Variants in PTPRN2 observed in about 807,000 individuals in gnomAD.
PTPRN2 encodes the protein receptor-type tyrosine-protein phosphatase N2.
In PTPRN2, 74 loss-of-function variants were observed where a neutral mutation model predicts 118.8. That is an observed-to-expected ratio of 0.62 (90% CI 0.52 to 0.76). The LOEUF (loss-of-function observed/expected upper bound fraction) is 0.76. PTPRN2 is among the 30% of genes least tolerant of loss of function. The pLI is 0.00. For synonymous variants in PTPRN2, 641 were observed against 608.0 expected, an observed-to-expected ratio of 1.05 and a Z score of -0.80; for missense variants, 1,481 against 1,394.4, an observed-to-expected ratio of 1.06 and a Z score of -0.99.
chr7:158,159,795 C>T (rs6459847), intron 6 of PTPRN2, among the ~76,000 whole-genome samples: 37,608 of 152,070 alleles, frequency 0.25, 6,221 homozygotes, highest in African/African-American at 0.48. Flanking sequence ...TGAAAAAAAA[C>T]TACAGCACTG....
chr7:157,729,393 A>T lies in PTPRN2; in HGVS notation c.1789-46456T>A, dbSNP rs1354917886. Among the ~76,000 whole-genome samples, 1 of 151,934 alleles carries T rather than the reference A, an allele frequency of 6.6e-6. No individual in the cohort carries two copies. The highest frequency in any genetic ancestry group is 1.5e-5 in the Non-Finnish European group (1 of 68,004). On this transcript the variant is annotated intron_variant, in intron 12 of 22. Coordinates refer to ENST00000389418, the MANE Select transcript of PTPRN2 (RefSeq NM_002847.5). The surrounding 1 kb of genome is among the most constrained non-coding windows in gnomAD (Gnocchi z 4.3). Reference sequence around the variant, plus strand: ...GATGCCTTCAGGTCCCGGACCCCCCACTCTGCTCCCGTGGACAGCTCCATC... The same window carrying T: ...GATGCCTTCAGGTCCCGGACCCCCCTCTCTGCTCCCGTGGACAGCTCCATC...
Position 158,407,941 on chromosome 7 carries a change from A to G in PTPRN2, c.163+81794T>C, listed in dbSNP as rs556227232. ...CTCAAGTCTACAGAGCTTGTGTGCA[A>G]ATTCCCTTAAAGTCCCTCCTCATCT... On this transcript the variant is annotated intron_variant, in intron 2 of 22. Transcript: ENST00000389418. Among the ~76,000 whole-genome samples, 436 of 152,330 alleles carry G rather than the reference A, an allele frequency of 2.9e-3. 6 individuals carry two copies. The highest frequency in any genetic ancestry group is 1.5e-3 in the East Asian group (8 of 5,186).
chr7:157,746,831 A>G (rs1812806443), intron 12 of PTPRN2, among the ~76,000 whole-genome samples: 2 of 152,234 alleles, frequency 1.3e-5, no homozygotes, highest in African/African-American at 4.8e-5. Flanking sequence ...GCATGTGTTG[A>G]GGCCTGCATC....
At chr7:158,323,219 G>T (rs1419704119) in intron 2 of PTPRN2, among the ~76,000 whole-genome samples, 1 of 152,196 alleles carries the variant, frequency 6.6e-6, no homozygotes, top group Non-Finnish European at 1.5e-5. Flanking sequence ...CCGATATCAG[G>T]GACTCAACGA....
chr7:158,562,019 G>A (rs920678777), intron 1 of PTPRN2, among the ~76,000 whole-genome samples: 8 of 152,188 alleles, frequency 5.3e-5, no homozygotes, highest in African/African-American at 1.4e-4. Flanking sequence ...TCACAAAGGG[G>A]CCAATGAACA....
chr7:158,489,691 G>A, intron 2 of PTPRN2, 44 bp downstream of exon 2: 1 of 1,541,790 alleles, frequency 6.5e-7, no homozygotes, highest in African/African-American at 1.4e-5. Context: ...CGGCGGGCAG[G>A]AGAGGGGCAG....
chr7:158,070,172 C>G (rs112334710), intron 11 of PTPRN2, among the ~76,000 whole-genome samples: 2,276 of 152,334 alleles, frequency 0.015, 47 homozygotes, highest in African/African-American at 0.05. Context: ...CAGCAGACAT[C>G]CAAAAGCAGG....
chr7:157,938,718 A>C (rs1799870238), intron 11 of PTPRN2, among the ~76,000 whole-genome samples: 1 of 152,266 alleles, frequency 6.6e-6, no homozygotes, highest in African/African-American at 2.4e-5. Context: ...AATTCTCTTT[A>C]ATATCAAAGA....
intron 3 of PTPRN2, among the ~76,000 whole-genome samples, chr7:158,277,993 C>T (rs771746638): frequency 6.6e-6 from 1 of 152,188 alleles, no homozygotes. Context: ...TCCCTGACCT[C>T]CAGCACATAA....
At position 157,987,877 on chromosome 7, in the gene PTPRN2, T is replaced by G. The variant is rs1803929662; in HGVS notation, c.1724-89140A>C. Among the ~76,000 whole-genome samples, 1 of 151,956 alleles carries G rather than the reference T, an allele frequency of 6.6e-6. No individual in the cohort carries two copies. ...CACCTCCATCACTGATGCCCCCAGC[T>G]CTCCCCACACCTGCCATTCCCCACG... On this transcript the variant is annotated intron_variant, in intron 11 of 22. Transcript: ENST00000389418. The surrounding 1 kb of genome is among the most constrained non-coding windows in gnomAD (Gnocchi z 4.3).
At chr7:158,357,145 C>T (rs1460217937) in intron 2 of PTPRN2, among the ~76,000 whole-genome samples, 1 of 152,210 alleles carries the variant, frequency 6.6e-6, no homozygotes, top group African/African-American at 2.4e-5. Flanking sequence ...GAAGAGGAAC[C>T]GGACGAATGA....
At chr7:158,414,230 G>A (rs1405983339) in intron 2 of PTPRN2, among the ~76,000 whole-genome samples, 3 of 152,210 alleles carry the variant, frequency 2.0e-5, no homozygotes, top group African/African-American at 4.8e-5. Context: ...GAGCTCTCCC[G>A]ATGATGCAGG....
At chr7:158,112,192 C>T (rs183110657) in intron 9 of PTPRN2, among the ~76,000 whole-genome samples, 2 of 152,308 alleles carry the variant, frequency 1.3e-5, no homozygotes, top group East Asian at 1.9e-4. Flanking sequence ...TAGCTCCTGT[C>T]GGCTGACAAG....
intron 11 of PTPRN2, among the ~76,000 whole-genome samples, chr7:157,984,007 G>A (rs1803518759): frequency 1.3e-5 from 2 of 152,202 alleles, no homozygotes; most frequent in African/African-American, 4.8e-5. Flanking sequence ...TTCCTGACTC[G>A]CAGGGGGCCC....
Position 158,526,253 on chromosome 7 carries a change from C to T in PTPRN2, c.113-36468G>A, listed in dbSNP as rs1360846024. On this transcript the variant is annotated intron_variant, in intron 1 of 22. Transcript: ENST00000389418. This position sits in a 1 kb window ranked among gnomAD's most constrained non-coding sequence, Gnocchi z 5.2. ...GCGAAGGGGTCACCCCTCGTGCAGGCTCAGGCCCTCCCTGCCCACCTGTGG... is the reference window on the plus strand; with the variant it reads ...GCGAAGGGGTCACCCCTCGTGCAGGTTCAGGCCCTCCCTGCCCACCTGTGG... 6.6e-6 allele frequency among the ~76,000 whole-genome samples: 1 copy of T among 152,196 alleles called. No homozygotes were observed.
At chr7:157,720,102 G>A (rs1799148096) in intron 12 of PTPRN2, among the ~76,000 whole-genome samples, 1 of 152,190 alleles carries the variant, frequency 6.6e-6, no homozygotes, top group African/African-American at 2.4e-5. Context: ...CTTTTGGCTG[G>A]GGTGTCAGAT....
intron 12 of PTPRN2, among the ~76,000 whole-genome samples, chr7:157,883,304 G>A (rs537846888): frequency 4.1e-5 from 6 of 147,484 alleles, no homozygotes; most frequent in Non-Finnish European, 8.9e-5. Context: ...ACCCCAAAAT[G>A]ATTGTTGGAG....
chr7:157,606,784 A>G (rs1291015386), intron 15 of PTPRN2, among the ~76,000 whole-genome samples: 1 of 152,212 alleles, frequency 6.6e-6, no homozygotes. Context: ...TTTTACTTAC[A>G]GTTTTTAAAA....
chr7:158,447,852 A>G (rs1327500537), intron 2 of PTPRN2, among the ~76,000 whole-genome samples: 1 of 152,168 alleles, frequency 6.6e-6, no homozygotes, highest in Non-Finnish European at 1.5e-5. Context: ...GCCATCCACA[A>G]AGGGGCCTCA....
Sources: gnomAD v4.1 joint callset for allele counts (sites outside exome capture counted in the v4.1 genomes callset) on GRCh38, gnomAD v4.1.1 for gene constraint, Gnocchi (gnomAD v3.1) non-coding constraint, MANE v1.5 for transcripts, NCBI Gene and HGNC (gene_info 2026-07-23, HGNC 2026-07-21) for gene names.